The following RBPJ variants were observed in gnomAD, a reference collection of about 807,000 sequenced individuals.
RBPJ encodes recombining binding protein suppressor of hairless.
In RBPJ, 9 loss-of-function variants were observed where a neutral mutation model predicts 67.8. The observed-to-expected ratio is 0.13, with a 90% CI of 0.08 to 0.23. The LOEUF is 0.23. RBPJ is among the 10% of genes least tolerant of loss of function. RBPJ has a pLI of 1.00. For missense variants in RBPJ, 305 were observed against 595.6 expected, an observed-to-expected ratio of 0.51 and a Z score of 5.08; for synonymous variants, 198 against 203.3, an observed-to-expected ratio of 0.97 and a Z score of 0.22.
chr4:26,159,180 T>C (rs1305387390), upstream of RBPJ, among the ~76,000 whole-genome samples: 3 of 152,190 alleles, frequency 2.0e-5, no homozygotes, highest in Non-Finnish European at 4.4e-5. Flanking sequence ...ACTCATATGC[T>C]AGACACTTTC....
chr4:26,231,418 T>A (rs2109205204), intron 1 of RBPJ, among the ~76,000 whole-genome samples: 1 of 152,042 alleles, frequency 6.6e-6, no homozygotes, highest in African/African-American at 2.4e-5. Flanking sequence ...ATTGCACTTT[T>A]TTTTTTTTTT....
chr4:26,247,479 T>C (rs1719966540), intron 1 of RBPJ, among the ~76,000 whole-genome samples: 1 of 152,170 alleles, frequency 6.6e-6, no homozygotes, highest in South Asian at 2.1e-4. Context: ...GTCACGATCT[T>C]GGCTCACTAC....
At chr4:26,123,166 C>T in the RBPJ span, among the ~76,000 whole-genome samples, 1 of 152,132 alleles carries the variant, frequency 6.6e-6, no homozygotes. Flanking sequence ...CTACTGCACA[C>T]CTAGGCTATA....
rs1454265117 is a variant in RBPJ at position 26,215,022 on chromosome 4, A to T, written c.-167+51408A>T. On this transcript the variant is annotated intron_variant, in intron 1 of 4. Transcript: ENST00000512351. ...AGGGAAGGAAGGAAGGAGAGAAAGA[A>T]AGAAAGAAAAGAAAGAGGGAGGGAG... Among the ~76,000 whole-genome samples, 3 of 68,704 alleles carry T rather than the reference A, an allele frequency of 4.4e-5. 1 individual carries two copies. Among genetic ancestry groups the T allele is most frequent in the African/African-American group, 9.9e-5 (2 of 20,200 alleles). The allele number at this position is 68,704 out of a possible 152,430, so 45.1% of individuals were successfully genotyped here.
chr4:26,316,787 C>G (rs1250177309), upstream of RBPJ, among the ~76,000 whole-genome samples: 1 of 131,986 alleles, frequency 7.6e-6, no homozygotes, highest in Non-Finnish European at 1.6e-5. Flanking sequence ...GTAAAGGAAA[C>G]TCTTAAGTGC....
intron 1 of RBPJ, among the ~76,000 whole-genome samples, chr4:26,193,333 C>T (rs1483526128): frequency 6.6e-6 from 1 of 152,186 alleles, no homozygotes; most frequent in Admixed American, 6.5e-5. Context: ...CAAGGAGGCT[C>T]TTGCTTCCAT....
At chr4:26,179,117 T>C (rs1716894378) in intron 1 of RBPJ, among the ~76,000 whole-genome samples, 1 of 151,966 alleles carries the variant, frequency 6.6e-6, no homozygotes, top group Non-Finnish European at 1.5e-5. Context: ...GGTTGGAAGA[T>C]AGTGAAGAGT....
intron 2 of RBPJ, among the ~76,000 whole-genome samples, chr4:26,403,821 T>G (rs1489951838): frequency 6.6e-6 from 1 of 152,168 alleles, no homozygotes; most frequent in East Asian, 1.9e-4. Context: ...GTCATTGCTA[T>G]TGCAAATAGT....
At chr4:26,154,079 G>A in the RBPJ span, among the ~76,000 whole-genome samples, 465 of 152,174 alleles carry the variant, frequency 3.1e-3, 2 homozygotes, top group Non-Finnish European at 4.4e-3. Context: ...AAGAACTCCC[G>A]CTCAGCTGCT....
intron 1 of RBPJ, among the ~76,000 whole-genome samples, chr4:26,381,701 C>T (rs1241130022): frequency 6.6e-6 from 1 of 152,056 alleles, no homozygotes; most frequent in African/African-American, 2.4e-5. Context: ...CCACTATCAG[C>T]CTGAGGGAAA....
Position 26,424,816 on chromosome 4 carries a change from T to A in RBPJ, c.747+73T>A. On this transcript the variant is annotated intron_variant, in intron 7 of 10. Coordinates refer to ENST00000355476, the MANE Select transcript of RBPJ (RefSeq NM_015874.6). The surrounding 1 kb of genome is among the most constrained non-coding windows in gnomAD (Gnocchi z 5.3). ...TTCTTAAACAGGAAAATCACAACAT[T>A]CAAATGGAAAAACACACCTCAGTTT... 1 of 881,516 alleles carries A rather than the reference T, an allele frequency of 1.1e-6. No individual in the cohort carries two copies. Among genetic ancestry groups the A allele is most frequent in the Non-Finnish European group, 1.8e-6 (1 of 544,608 alleles). 54.6% of individuals were successfully genotyped at this position (881,516 alleles called of 1,614,324 possible). A position where few individuals can be genotyped will look rare whatever the true frequency, so the allele number is the denominator to read the frequency against.
chr4:26,356,569 TTTTC>T (rs1301563552), intron 1 of RBPJ, among the ~76,000 whole-genome samples: 1 of 152,202 alleles, frequency 6.6e-6, no homozygotes, highest in African/African-American at 2.4e-5. Flanking sequence ...ACAGTTTGGG[TTTTC>T]TTTATCTTTA....
At chr4:26,141,508 C>T in the RBPJ span, among the ~76,000 whole-genome samples, 1 of 152,204 alleles carries the variant, frequency 6.6e-6, no homozygotes, top group East Asian at 1.9e-4. Flanking sequence ...ACCACAGCAT[C>T]TATTTTTTTT....
the RBPJ span, among the ~76,000 whole-genome samples, chr4:26,121,271 T>A: frequency 6.6e-6 from 1 of 152,094 alleles, no homozygotes; most frequent in South Asian, 2.1e-4. Context: ...TCTTACTTTG[T>A]CAACAAAAAT....
rs201627988 is a variant in RBPJ at position 26,338,872 on chromosome 4, G to GGT, written c.20+17839_20+17840dup. ...ACAGGTGTGAGGCCTGGCAAAGTTGGGTGTGTGTGTGTGTGTTTGGAGACA... is the reference window on the plus strand; with the variant it reads ...ACAGGTGTGAGGCCTGGCAAAGTTGGGTGTGTGTGTGTGTGTGTTTGGAGACA... On this transcript the variant is annotated intron_variant, in intron 1 of 10. Coordinates refer to ENST00000355476, the MANE Select transcript of RBPJ (RefSeq NM_015874.6). 5.2e-3 allele frequency among the ~76,000 whole-genome samples: 785 copies of GGT among 150,186 alleles called. 11 individuals carry two copies. The highest frequency in any genetic ancestry group is 0.018 in the African/African-American group (729 of 40,934).
chr4:26,308,385 A>G (rs935489725), intron 1 of RBPJ, among the ~76,000 whole-genome samples: 2 of 152,264 alleles, frequency 1.3e-5, no homozygotes, highest in African/African-American at 2.4e-5. Context: ...GTATGTACTT[A>G]ATATTTATTA....
chr4:26,190,881 C>T (rs914080159), intron 1 of RBPJ, among the ~76,000 whole-genome samples: 1 of 151,838 alleles, frequency 6.6e-6, no homozygotes, highest in African/African-American at 2.4e-5. Flanking sequence ...CACAGTGGTT[C>T]ATGCCTATAA....
At chr4:26,272,870 AT>A (rs1720960460) in intron 1 of RBPJ, 1 of 285,928 alleles carries the variant, frequency 3.5e-6, no homozygotes. Context: ...CTGTGGTTAG[AT>A]TTGTGGTGTG....
At chr4:26,171,015 G>C (rs567483102) in intron 1 of RBPJ, among the ~76,000 whole-genome samples, 1 of 152,312 alleles carries the variant, frequency 6.6e-6, no homozygotes, top group Admixed American at 6.5e-5. Context: ...GGCTGGTGGT[G>C]GTGGTTTATA....
Sources: allele counts gnomAD v4.1 joint callset (sites outside exome capture counted in the v4.1 genomes callset), GRCh38; gene constraint gnomAD v4.1.1; non-coding constraint Gnocchi (gnomAD v3.1); transcripts MANE v1.5; gene names NCBI Gene and HGNC (gene_info 2026-07-23, HGNC 2026-07-21).